The following NPIPB2 variants were observed in gnomAD, a reference collection of about 807,000 sequenced individuals.
NPIPB2 encodes nuclear pore complex-interacting protein family member B2.
A neutral mutation model predicts 30.8 loss-of-function variants in NPIPB2; 27 were observed. The ratio of observed to expected loss-of-function variants is 0.88; its 90% confidence interval spans 0.65 to 1.21. The LOEUF (loss-of-function observed/expected upper bound fraction) is 1.21. NPIPB2 is among the 50% of genes most tolerant of loss of function. NPIPB2 has a pLI of 0.00. For missense variants in NPIPB2, 440 were observed against 446.2 expected, an observed-to-expected ratio of 0.99 and a Z score of 0.13; for synonymous variants, 147 against 162.0, an observed-to-expected ratio of 0.91 and a Z score of 0.70.
At chr16:11,958,736 G>C (rs755424904) in intron 1 of NPIPB2, among the ~76,000 whole-genome samples, 16 of 152,080 alleles carry the variant, frequency 1.1e-4, no homozygotes, top group Non-Finnish European at 1.6e-4. Context: ...GTGAGACCCT[G>C]TCTCAAAAAC....
chr16:11,959,600 C>A (rs377357079), intron 1 of NPIPB2, among the ~76,000 whole-genome samples: 11 of 151,594 alleles, frequency 7.3e-5, no homozygotes, highest in African/African-American at 2.7e-4. Context: ...AAAAAAAAAT[C>A]ATATTATTAA....
intron 1 of NPIPB2, among the ~76,000 whole-genome samples, chr16:11,958,415 G>A (rs1388249866): frequency 5.4e-5 from 8 of 147,624 alleles, no homozygotes; most frequent in Non-Finnish European, 3.0e-5. Context: ...ATGACAGAGC[G>A]AGACTCCGTT....
intron 2 of NPIPB2, among the ~76,000 whole-genome samples, chr16:11,936,682 TAGC>T (rs1480610430): frequency 6.9e-6 from 1 of 144,422 alleles, no homozygotes; most frequent in East Asian, 2.1e-4. Flanking sequence ...TGGCACAACT[TAGC>T]AGCCAAATTC....
At chr16:11,952,996 T>A (rs1018479497) in intron 1 of NPIPB2, among the ~76,000 whole-genome samples, 3 of 152,186 alleles carry the variant, frequency 2.0e-5, no homozygotes, top group Non-Finnish European at 4.4e-5. Context: ...GTATTCCCTG[T>A]GGATTCTCAA....
At chr16:11,939,201 T>A (rs1369303896) in intron 1 of NPIPB2, among the ~76,000 whole-genome samples, 2 of 146,764 alleles carry the variant, frequency 1.4e-5, no homozygotes. Context: ...TCAGCATAAG[T>A]AAAAAAAAAA....
chr16:11,966,126 A>G, intron 1 of NPIPB2: 1 of 1,432,220 alleles, frequency 7.0e-7, no homozygotes, highest in Non-Finnish European at 9.4e-7. Flanking sequence ...AAATAAATAA[A>G]TAATAACAAT....
At chr16:11,963,440 AG>A (rs1226042988) in intron 1 of NPIPB2, among the ~76,000 whole-genome samples, 1 of 152,126 alleles carries the variant, frequency 6.6e-6, no homozygotes, top group African/African-American at 2.4e-5. Flanking sequence ...GATGAAATAA[AG>A]TAGAAGGGAT....
intron 1 of NPIPB2, chr16:11,968,117 A>T (rs1374291424): frequency 6.0e-6 from 2 of 333,712 alleles, no homozygotes; most frequent in Non-Finnish European, 1.1e-5. Context: ...CATGTATACC[A>T]GTGTGGGGGG....
intron 1 of NPIPB2, chr16:11,941,030 T>C: frequency 1.1e-6 from 1 of 881,186 alleles, no homozygotes; most frequent in Non-Finnish European, 1.6e-6. Flanking sequence ...CTGGCTAGTC[T>C]TCAACTCCTG....
At chr16:11,973,643 C>T (rs1270976509) in intron 1 of NPIPB2, among the ~76,000 whole-genome samples, 1 of 152,164 alleles carries the variant, frequency 6.6e-6, no homozygotes, top group Non-Finnish European at 1.5e-5. Flanking sequence ...TCTCGGCTCA[C>T]TGCAACTTCT....
intron 1 of NPIPB2, among the ~76,000 whole-genome samples, chr16:11,947,980 T>C (rs1213692017): frequency 6.8e-6 from 1 of 147,560 alleles, no homozygotes; most frequent in Non-Finnish European, 1.5e-5. Context: ...ACTACTAAGG[T>C]GTCAATTACA....
chr16:11,958,363 G>T (rs1251568823), intron 1 of NPIPB2, among the ~76,000 whole-genome samples: 3 of 151,690 alleles, frequency 2.0e-5, no homozygotes, highest in African/African-American at 7.3e-5. Flanking sequence ...AGGAGGCGGA[G>T]GTTGCAGTGA....
chr16:11,975,979 C>T (rs1281396023), intron 1 of NPIPB2, among the ~76,000 whole-genome samples: 2 of 152,008 alleles, frequency 1.3e-5, no homozygotes, highest in East Asian at 1.9e-4. Flanking sequence ...CGGCGTCTCG[C>T]TACGTTGCCC....
chr16:11,975,899 G>A (rs544940232), intron 1 of NPIPB2, among the ~76,000 whole-genome samples: 289 of 151,624 alleles, frequency 1.9e-3, no homozygotes, highest in Non-Finnish European at 3.6e-3. Context: ...CGGCCTAGGA[G>A]CCATATCTTA....
chr16:11,957,309 C>T (rs1397681439), intron 1 of NPIPB2, among the ~76,000 whole-genome samples: 7 of 151,918 alleles, frequency 4.6e-5, no homozygotes, highest in African/African-American at 1.5e-4. Context: ...GGACTACAGG[C>T]GTGTGACACC....
intron 1 of NPIPB2, among the ~76,000 whole-genome samples, chr16:11,958,047 T>A (rs79997553): frequency 6.6e-6 from 1 of 152,180 alleles, no homozygotes; most frequent in African/African-American, 2.4e-5. Context: ...CTGACACAAA[T>A]CCAAATCCTA....
intron 1 of NPIPB2, among the ~76,000 whole-genome samples, chr16:11,960,927 C>T (rs577000205): frequency 2.1e-4 from 31 of 150,762 alleles, no homozygotes; most frequent in Admixed American, 4.0e-4. Context: ...AGTGCAGTGG[C>T]GCAATCTTGG....
chr16:11,974,897 C>A (rs904524313), intron 1 of NPIPB2, among the ~76,000 whole-genome samples: 8 of 151,838 alleles, frequency 5.3e-5, no homozygotes, highest in Non-Finnish European at 7.4e-5. Flanking sequence ...CACGTTGAAA[C>A]CCCGTCTCTA....
intron 4 of NPIPB2, among the ~76,000 whole-genome samples, chr16:11,931,512 T>C (rs887277732): frequency 1.3e-5 from 2 of 152,168 alleles, no homozygotes; most frequent in African/African-American, 4.8e-5. Flanking sequence ...CTTCAGCACA[T>C]GCTGTCTGGA....
Sources: gnomAD v4.1 joint callset for allele counts (sites outside exome capture counted in the v4.1 genomes callset) on GRCh38, gnomAD v4.1.1 for gene constraint, MANE v1.5 for transcripts, NCBI Gene and HGNC (gene_info 2026-07-23, HGNC 2026-07-21) for gene names.